NRG1: variants seen among roughly 807,000 people sequenced by gnomAD.
The protein encoded by NRG1 is pro-neuregulin-1, membrane-bound isoform.
In NRG1, 18 loss-of-function variants were observed where a neutral mutation model predicts 63.8. That is an observed-to-expected ratio of 0.28 (90% CI 0.19 to 0.42). The LOEUF (loss-of-function observed/expected upper bound fraction) is 0.42, where lower values mean the gene tolerates loss of function less well. Among genes scored for constraint, NRG1 ranks in the 10% least tolerant of loss-of-function variants. NRG1 has a pLI of 1.00. For missense variants in NRG1, 762 were observed against 814.7 expected (o/e 0.94, Z 0.79); for synonymous variants, 302 against 301.3 (o/e 1.00, Z -0.02).
rs36040084 is a variant in NRG1, at chr8:31,742,455, A to ATTTTTTTTTTTTTTTTTT, written c.37+103033_37+103050dup. On this transcript the variant is annotated intron_variant, in intron 1 of 10. Coordinates refer to the NRG1 transcript ENST00000519301. ...GCAACGACAGACAACTTTTTTAAGA[A>ATTTTTTTTTTTTTTTTTT]TTTTTTTTTTTTTTTTTTTTTTTTT... 4.6e-4 allele frequency among the ~76,000 whole-genome samples: 37 copies of ATTTTTTTTTTTTTTTTTT among 80,014 alleles called. 2 individuals carry two copies. Among genetic ancestry groups the ATTTTTTTTTTTTTTTTTT allele is most frequent in the Non-Finnish European group, 4.9e-4 (21 of 43,016 alleles). The allele number at this position is 80,014 out of a possible 152,430, so 52.5% of individuals were successfully genotyped here. A position where few individuals can be genotyped will look rare whatever the true frequency, so the allele number is the denominator to read the frequency against.
chr8:32,064,189 A>G (rs1490490138), intron 1 of NRG1, among the ~76,000 whole-genome samples: 3 of 152,140 alleles, frequency 2.0e-5, no homozygotes, highest in East Asian at 1.9e-4. Context: ...CCAGAGCAAC[A>G]AAAAGGAGAA....
At position 32,037,423 on chromosome 8, in the gene NRG1, C is replaced by T. The variant is rs149928133; in HGVS notation, c.37+397992C>T. ...CAGGAGGAACAGGATCAGGGACCCG[C>T]TTAAATAAACAGCCTGGCTTCCTCT... On this transcript the variant is annotated intron_variant, in intron 1 of 10. Coordinates refer to the NRG1 transcript ENST00000519301. 3.3e-5 allele frequency among the ~76,000 whole-genome samples: 5 copies of T among 152,318 alleles called. No individual in the cohort carries two copies. In the East Asian group the frequency reaches 9.7e-4, roughly 30 times the overall value.
upstream of NRG1, chr8:32,548,245 C>T: frequency 9.1e-6 from 9 of 985,834 alleles, no homozygotes; most frequent in Non-Finnish European, 1.1e-5. Context: ...GCGCCTGCCT[C>T]CAACCTGCGG....
chr8:32,349,736 A>C (rs573820698), intron 1 of NRG1, among the ~76,000 whole-genome samples: 8 of 152,284 alleles, frequency 5.3e-5, no homozygotes, highest in African/African-American at 1.9e-4. Context: ...TCCAATTCCC[A>C]AAATTAGTGG....
intron 1 of NRG1, among the ~76,000 whole-genome samples, chr8:31,788,912 G>C (rs1820430635): frequency 6.6e-6 from 1 of 152,170 alleles, no homozygotes. Flanking sequence ...TAAATATGTG[G>C]AGGAGATTTC....
intron 5 of NRG1, among the ~76,000 whole-genome samples, chr8:32,659,906 A>C (rs1217981802): frequency 6.6e-6 from 1 of 152,106 alleles, no homozygotes; most frequent in Admixed American, 6.6e-5. Context: ...AAATTAGATG[A>C]TGGGACCCCT....
At chr8:32,615,225 G>A (rs1847135128) in intron 4 of NRG1, among the ~76,000 whole-genome samples, 1 of 149,896 alleles carries the variant, frequency 6.7e-6, no homozygotes, top group Non-Finnish European at 1.5e-5. Context: ...TATCCTCTAT[G>A]TATTTCATTT....
intron 1 of NRG1, among the ~76,000 whole-genome samples, chr8:32,330,666 G>T (rs777731797): frequency 6.6e-6 from 1 of 152,176 alleles, no homozygotes; most frequent in Non-Finnish European, 1.5e-5. Flanking sequence ...GGGGTAAGAG[G>T]ACTCTTCAGT....
rs10555336 is a variant in NRG1 at position 32,141,521 on chromosome 8, AGTGT to A, written c.38-454286_38-454283del. 9.5e-4 allele frequency among the ~76,000 whole-genome samples: 123 copies of A among 129,932 alleles called. 2 individuals carry two copies. Among genetic ancestry groups the A allele is most frequent in the Middle Eastern group, 4.0e-3 (1 of 248 alleles). The allele number at this position is 129,932 out of a possible 152,430, so 85.2% of individuals were successfully genotyped here. On this transcript the variant is annotated intron_variant, in intron 1 of 10. Transcript: ENST00000519301. ...GCATTTGTCAGATGTGAGATAGTTA[AGTGT>A]GTGTGTGTGTGTGTGTGTGTATATA... is the stretch of plus-strand genomic sequence containing the variant.
chr8:32,528,979 C>T (rs1831167410), intron 1 of NRG1, among the ~76,000 whole-genome samples: 1 of 152,180 alleles, frequency 6.6e-6, no homozygotes, highest in Non-Finnish European at 1.5e-5. Flanking sequence ...AGAACATATA[C>T]AGTCGTACCT....
At chr8:31,861,596 G>A (rs1483677076) in intron 1 of NRG1, among the ~76,000 whole-genome samples, 1 of 152,084 alleles carries the variant, frequency 6.6e-6, no homozygotes, top group Non-Finnish European at 1.5e-5. Context: ...GCAGTCAGCT[G>A]GAAGTATAAT....
intron 1 of NRG1, among the ~76,000 whole-genome samples, chr8:32,451,773 G>T (rs1462694290): frequency 7.9e-5 from 12 of 152,102 alleles, no homozygotes; most frequent in African/African-American, 2.7e-4. Flanking sequence ...TATTTGCCTT[G>T]TTTCATTTTG....
At chr8:31,668,745 T>C (rs1475647508) in intron 1 of NRG1, among the ~76,000 whole-genome samples, 1 of 152,208 alleles carries the variant, frequency 6.6e-6, no homozygotes, top group Admixed American at 6.5e-5. Context: ...TCTATGAGTT[T>C]ACAGATACAG....
chr8:32,386,376 T>A (rs1191526398), intron 1 of NRG1, among the ~76,000 whole-genome samples: 1 of 152,208 alleles, frequency 6.6e-6, no homozygotes, highest in Non-Finnish European at 1.5e-5. Context: ...CTTTCCTCCC[T>A]CCGTTGCCTC....
At chr8:32,554,901 A>C (rs1175857715) in intron 1 of NRG1, among the ~76,000 whole-genome samples, 1 of 149,208 alleles carries the variant, frequency 6.7e-6, no homozygotes, top group Admixed American at 6.7e-5. Context: ...TATTCCCCAA[A>C]GACTGCTTTT....
intron 7 of NRG1, among the ~76,000 whole-genome samples, chr8:32,752,879 C>A (rs1829003118): frequency 1.3e-5 from 2 of 152,246 alleles, no homozygotes; most frequent in African/African-American, 4.8e-5. Flanking sequence ...TGACAATGTT[C>A]TTGACCTGTT....
In NRG1 at chr8:32,524,497, T is replaced by TC. The variant is rs545229671; in HGVS notation, c.38-71331_38-71330insC. 6.9e-4 allele frequency among the ~76,000 whole-genome samples: 21 copies of TC among 30,302 alleles called. No individual in the cohort carries two copies. The South Asian group carries it at 0.02, about 29-fold the overall frequency. 19.9% of individuals were successfully genotyped at this position (30,302 alleles called of 152,430 possible). On this transcript the variant is annotated intron_variant, in intron 1 of 10. Transcript: ENST00000519301. The stretch of plus-strand genomic sequence containing the variant: ...GACTCAGTATGCTTTTCCTTAAAGA[T>TC]TTTTTTTTTCTATTGCCCTTCCAAA...
At chr8:32,253,663 T>C (rs191487975) in intron 1 of NRG1, among the ~76,000 whole-genome samples, 212 of 152,194 alleles carry the variant, frequency 1.4e-3, no homozygotes, top group Non-Finnish European at 2.2e-3. Flanking sequence ...TTTTTTTGTT[T>C]TGCCTCTGCC....
intron 1 of NRG1, among the ~76,000 whole-genome samples, chr8:32,523,473 T>G (rs1231145123): frequency 6.6e-6 from 1 of 152,220 alleles, no homozygotes. Context: ...ATTTAAAAAG[T>G]CTTAACTTCT....
Sources: gnomAD v4.1 joint callset for allele counts (sites outside exome capture counted in the v4.1 genomes callset) on GRCh38, gnomAD v4.1.1 for gene constraint, MANE v1.5 for transcripts, NCBI Gene and HGNC (gene_info 2026-07-23, HGNC 2026-07-21) for gene names.